ZNF385D: variants seen among roughly 807,000 people sequenced by gnomAD.
ZNF385D encodes the protein zinc finger protein 385D.
A neutral mutation model predicts 35.8 loss-of-function variants in ZNF385D; 15 were observed. The observed-to-expected ratio is 0.42, with a 90% CI of 0.28 to 0.64. The LOEUF is 0.64. ZNF385D is among the 30% of genes least tolerant of loss of function. The pLI, the probability that ZNF385D is intolerant of heterozygous loss-of-function variation, is 0.23. For synonymous variants in ZNF385D, 212 were observed against 186.8 expected (o/e 1.13, Z -1.10); for missense variants, 474 against 494.6 (o/e 0.96, Z 0.39).
chr3:21,725,788 T>C (rs6808872), intron 1 of ZNF385D, among the ~76,000 whole-genome samples: 4,208 of 152,126 alleles, frequency 0.028, 180 homozygotes, highest in African/African-American at 0.094. Flanking sequence ...CTGAAACTAT[T>C]CCAAGCAATA....
intron 3 of ZNF385D, among the ~76,000 whole-genome samples, chr3:21,913,853 AT>A (rs1700075406): frequency 6.6e-6 from 1 of 152,014 alleles, no homozygotes. Flanking sequence ...ATCTGTCTAG[AT>A]TTCCTCATCA....
chr3:21,865,314 T>C (rs560790908), intron 3 of ZNF385D, among the ~76,000 whole-genome samples: 1 of 152,070 alleles, frequency 6.6e-6, no homozygotes, highest in African/African-American at 2.4e-5. Flanking sequence ...GCTAGTTTTG[T>C]TTAGAATTTG....
At chr3:21,815,645 CT>C in intron 3 of ZNF385D, among the ~76,000 whole-genome samples, 1 of 152,238 alleles carries the variant, frequency 6.6e-6, no homozygotes, top group East Asian at 1.9e-4. Flanking sequence ...AGTTGAATCC[CT>C]GAATAGACCA....
chr3:21,854,731 G>A (rs1285014639), intron 3 of ZNF385D, among the ~76,000 whole-genome samples: 5 of 151,690 alleles, frequency 3.3e-5, no homozygotes, highest in Non-Finnish European at 5.9e-5. Flanking sequence ...AGTTCCCAGG[G>A]TCTGTCATAA....
At chr3:21,673,267 G>T (rs1309489758) in intron 1 of ZNF385D, among the ~76,000 whole-genome samples, 1 of 152,096 alleles carries the variant, frequency 6.6e-6, no homozygotes, top group East Asian at 1.9e-4. Flanking sequence ...AAAAAATTCA[G>T]TTATCAGTCA....
intron 2 of ZNF385D, among the ~76,000 whole-genome samples, chr3:22,216,044 G>C (rs1000010191): frequency 1.3e-5 from 2 of 151,984 alleles, no homozygotes; most frequent in Admixed American, 6.6e-5. Flanking sequence ...CATAGTCTGT[G>C]TTCCCAGGCA....
chr3:21,455,596 T>A (rs1203943709), intron 4 of ZNF385D, among the ~76,000 whole-genome samples: 1 of 152,090 alleles, frequency 6.6e-6, no homozygotes, highest in African/African-American at 2.4e-5. Context: ...CAAGATGGAG[T>A]AAAGACTTAC....
At chr3:22,330,873 C>T (rs114691607) in intron 2 of ZNF385D, among the ~76,000 whole-genome samples, 1,524 of 152,312 alleles carry the variant, frequency 0.01, 35 homozygotes, top group African/African-American at 0.034. Context: ...TCTAGGCAAC[C>T]TATCTCCAAA....
At chr3:21,818,510 T>C (rs1010747676) in intron 3 of ZNF385D, among the ~76,000 whole-genome samples, 1 of 152,212 alleles carries the variant, frequency 6.6e-6, no homozygotes, top group African/African-American at 2.4e-5. Context: ...TAATAGTGTG[T>C]TAATTTTTAA....
chr3:22,092,739 A>G (rs1334388714), intron 3 of ZNF385D, among the ~76,000 whole-genome samples: 4 of 152,062 alleles, frequency 2.6e-5, no homozygotes, highest in African/African-American at 9.7e-5. Flanking sequence ...TGATATTAAG[A>G]TTACTGTCTG....
intron 3 of ZNF385D, among the ~76,000 whole-genome samples, chr3:21,793,892 T>G (rs1559627516): frequency 6.6e-6 from 1 of 152,224 alleles, no homozygotes; most frequent in Non-Finnish European, 1.5e-5. Context: ...AGACCTTCTC[T>G]TCTTCTGCAA....
At chr3:21,934,626 A>G (rs1553085) in intron 3 of ZNF385D, among the ~76,000 whole-genome samples, 83,586 of 152,006 alleles carry the variant, frequency 0.55, 24,667 homozygotes, top group South Asian at 0.66. Flanking sequence ...TTAGAAATAG[A>G]TTACAATTAA....
intron 3 of ZNF385D, among the ~76,000 whole-genome samples, chr3:21,862,250 G>A (rs1352138): frequency 0.41 from 62,477 of 150,982 alleles, 13,134 homozygotes; most frequent in Non-Finnish European, 0.43. Flanking sequence ...TACTACAGAA[G>A]CATCATTGAT....
At chr3:22,289,400 A>C (rs1702184029) in intron 2 of ZNF385D, among the ~76,000 whole-genome samples, 1 of 152,180 alleles carries the variant, frequency 6.6e-6, no homozygotes, top group South Asian at 2.1e-4. Context: ...ACTTGGCTTT[A>C]TCACTGGCAT....
intron 4 of ZNF385D, among the ~76,000 whole-genome samples, chr3:21,453,942 G>C (rs1473611186): frequency 6.6e-6 from 1 of 151,860 alleles, no homozygotes; most frequent in East Asian, 1.9e-4. Context: ...ATTGTCAAAA[G>C]GTAGTAACAA....
At chr3:21,446,044 A>C (rs1046781665) in intron 4 of ZNF385D, among the ~76,000 whole-genome samples, 10 of 152,110 alleles carry the variant, frequency 6.6e-5, no homozygotes, top group African/African-American at 2.4e-4. Context: ...CGTCAGAATC[A>C]CCCAAAGAGT....
intron 3 of ZNF385D, among the ~76,000 whole-genome samples, chr3:22,001,677 T>C (rs1168145317): frequency 6.6e-6 from 1 of 152,082 alleles, no homozygotes; most frequent in Non-Finnish European, 1.5e-5. Flanking sequence ...ATACACATTC[T>C]TCTCATTAGC....
intron 3 of ZNF385D, among the ~76,000 whole-genome samples, chr3:22,004,548 T>C (rs1696077805): frequency 6.6e-6 from 1 of 152,184 alleles, no homozygotes; most frequent in South Asian, 2.1e-4. Flanking sequence ...AAAAGGCTAA[T>C]ATTCAGAATA....
At chr3:22,174,319 C>T (rs1041343136) in intron 2 of ZNF385D, among the ~76,000 whole-genome samples, 5 of 152,054 alleles carry the variant, frequency 3.3e-5, no homozygotes, top group African/African-American at 1.2e-4. Flanking sequence ...GATGCCTTGT[C>T]AAAGTGGCAA....
Sources: allele counts gnomAD v4.1 joint callset (sites outside exome capture counted in the v4.1 genomes callset), GRCh38; gene constraint gnomAD v4.1.1; transcripts MANE v1.5; gene names NCBI Gene and HGNC (gene_info 2026-07-23, HGNC 2026-07-21).